The following SPATA6L variants were observed in gnomAD, a reference collection of about 807,000 sequenced individuals.
SPATA6L encodes spermatogenesis associated 6 like.
In SPATA6L, 68 loss-of-function variants were observed where a neutral mutation model predicts 49.2. That is an observed-to-expected ratio of 1.38 (90% CI 1.14 to 1.69). The LOEUF (loss-of-function observed/expected upper bound fraction) is 1.69, where lower values mean the gene tolerates loss of function less well. Ranked by LOEUF, SPATA6L falls within the 40% of genes most tolerant of loss-of-function variation. SPATA6L has a pLI of 0.00. For missense variants in SPATA6L, 668 were observed against 464.3 expected, an observed-to-expected ratio of 1.44 and a Z score of -4.03; for synonymous variants, 198 against 165.7, an observed-to-expected ratio of 1.19 and a Z score of -1.50.
intron 3 of SPATA6L, among the ~76,000 whole-genome samples, chr9:4,636,399 A>G (rs561787673): frequency 6.6e-6 from 1 of 152,332 alleles, no homozygotes; most frequent in African/African-American, 2.4e-5. Flanking sequence ...TTTCAGTATC[A>G]TAAAAGGGAT....
intron 1 of SPATA6L, among the ~76,000 whole-genome samples, chr9:4,665,738 C>G (rs958857658): frequency 1.3e-5 from 2 of 152,144 alleles, no homozygotes; most frequent in Non-Finnish European, 2.9e-5. Flanking sequence ...ATTGATTTCC[C>G]TTTTGGAATT....
At chr9:4,610,406 G>T (rs1288149920) in intron 9 of SPATA6L, among the ~76,000 whole-genome samples, 2 of 144,726 alleles carry the variant, frequency 1.4e-5, no homozygotes, top group East Asian at 4.0e-4. Context: ...ATACTACAAG[G>T]CTACAGTAAC....
In SPATA6L at chr9:4,592,805, T is replaced by C. The variant is rs560965310; in HGVS notation, c.*254+3630A>G. Among the ~76,000 whole-genome samples, 167 of 152,196 alleles carry C rather than the reference T, an allele frequency of 1.1e-3. 1 individual carries two copies. The highest frequency in any genetic ancestry group is 3.9e-3 in the African/African-American group (162 of 41,528). The stretch of plus-strand genomic sequence containing the variant: ...CAAAATAATTAATAAATAAAGAAGG[T>C]GAGAGGAAACTTTTGGAGATGATGG... On this transcript the variant is annotated intron_variant and NMD_transcript_variant, in intron 13 of 13. Transcript: ENST00000461761.
chr9:4,659,790 T>A (rs1290037026), intron 2 of SPATA6L, among the ~76,000 whole-genome samples: 1 of 152,174 alleles, frequency 6.6e-6, no homozygotes, highest in Non-Finnish European at 1.5e-5. Context: ...ACTACAAGGC[T>A]ACAGTAACCA....
intron 3 of SPATA6L, among the ~76,000 whole-genome samples, chr9:4,646,772 C>G (rs1029947783): frequency 6.6e-6 from 1 of 152,062 alleles, no homozygotes; most frequent in African/African-American, 2.4e-5. Context: ...AACAAGCGTT[C>G]ATGTCTTTTG....
At chr9:4,633,626 A>C (rs1322723500) in intron 4 of SPATA6L, 1 of 159,816 alleles carries the variant, frequency 6.3e-6, no homozygotes, top group Non-Finnish European at 1.4e-5. Flanking sequence ...CAGACTACTA[A>C]GGGAAATAAG....
At chr9:4,637,675 A>G (rs1397796189) in intron 3 of SPATA6L, among the ~76,000 whole-genome samples, 6 of 152,192 alleles carry the variant, frequency 3.9e-5, no homozygotes, top group African/African-American at 1.4e-4. Flanking sequence ...AACTTCAATG[A>G]TGTTCTGAGA....
intron 11 of SPATA6L, among the ~76,000 whole-genome samples, chr9:4,603,175 T>C (rs1056716792): frequency 1.3e-5 from 2 of 152,190 alleles, no homozygotes; most frequent in Non-Finnish European, 2.9e-5. Flanking sequence ...CTCACGCCTG[T>C]AATACCAGCA....
intron 6 of SPATA6L, among the ~76,000 whole-genome samples, chr9:4,623,019 C>G (rs1217187687): frequency 6.6e-6 from 1 of 152,110 alleles, no homozygotes; most frequent in Non-Finnish European, 1.5e-5. Context: ...GTGGCTCACA[C>G]CTGTAATCCC....
chr9:4,658,039 G>C (rs559636771), intron 2 of SPATA6L, among the ~76,000 whole-genome samples: 1 of 152,172 alleles, frequency 6.6e-6, no homozygotes, highest in South Asian at 2.1e-4. Context: ...AACTATACCA[G>C]AAACTAGGAG....
At chr9:4,661,822 C>A (rs1168348849) in intron 2 of SPATA6L, 77 bp downstream of exon 2, 23 of 1,508,082 alleles carry the variant, frequency 1.5e-5, no homozygotes, top group Non-Finnish European at 2.1e-5. Flanking sequence ...CCAAATAATG[C>A]TGTAAGAACT....
At chr9:4,650,210 C>T (rs1237445867) in intron 3 of SPATA6L, among the ~76,000 whole-genome samples, 1 of 152,202 alleles carries the variant, frequency 6.6e-6, no homozygotes, top group African/African-American at 2.4e-5. Flanking sequence ...ACCTAGCCTG[C>T]TCCCATTCTG....
intron 3 of SPATA6L, among the ~76,000 whole-genome samples, chr9:4,637,157 C>T (rs562332205): frequency 6.6e-6 from 1 of 152,284 alleles, no homozygotes; most frequent in African/African-American, 2.4e-5. Context: ...CCTTGATCAT[C>T]GTTCCCTGTC....
chr9:4,656,062 C>G lies in SPATA6L; in HGVS notation c.205G>C (p.Ala69Pro). The change falls in exon 3 of 12, where the codon GCT (alanine) becomes CCT (proline). Residue 69 changes from alanine to proline, a missense_variant. Ala to Pro is a conservative substitution (Grantham distance 27). Coordinates refer to ENST00000682582, the MANE Select transcript of SPATA6L (RefSeq NM_001353486.2). ...KVFESAVDPG[A>P]VVDLLEMWDE... is the part of the protein sequence containing the mutation. Reference sequence around the variant, plus strand: ...CTACTTTCCAAAAGGTCTACTACAGCTCCAGGATCTACTGCACTTTCAAAT... The same window carrying G: ...CTACTTTCCAAAAGGTCTACTACAGGTCCAGGATCTACTGCACTTTCAAAT... The G allele has an allele frequency of 6.2e-7, 1 of 1,612,924 alleles. No homozygotes were observed. Among genetic ancestry groups the G allele is most frequent in the Non-Finnish European group, 8.5e-7 (1 of 1,179,478 alleles).
intron 13 of SPATA6L, among the ~76,000 whole-genome samples, chr9:4,589,499 G>A (rs1447875920): frequency 1.3e-5 from 2 of 152,156 alleles, no homozygotes; most frequent in Non-Finnish European, 1.5e-5. Flanking sequence ...ATTCTATAAA[G>A]GGGAAACCCT....
intron 2 of SPATA6L, among the ~76,000 whole-genome samples, chr9:4,660,964 A>T (rs186478162): frequency 1.3e-5 from 2 of 152,250 alleles, no homozygotes; most frequent in East Asian, 1.9e-4. Flanking sequence ...TCTCACTGAT[A>T]GGTGGGAATT....
At chr9:4,597,844 T>C (rs1340327732), downstream of SPATA6L, among the ~76,000 whole-genome samples, 1 of 152,166 alleles carries the variant, frequency 6.6e-6, no homozygotes, top group Non-Finnish European at 1.5e-5. Flanking sequence ...GGTCACAGCA[T>C]GGACTACAGA....
At chr9:4,600,985 T>C (rs368813257) in intron 11 of SPATA6L, among the ~76,000 whole-genome samples, 176 bp from the exon 12 acceptor site, 2 of 152,210 alleles carry the variant, frequency 1.3e-5, no homozygotes, top group East Asian at 3.8e-4. Context: ...AATAACCCAG[T>C]GAGCATCTGT....
intron 3 of SPATA6L, among the ~76,000 whole-genome samples, chr9:4,644,914 C>G (rs1333450690): frequency 6.6e-6 from 1 of 152,158 alleles, no homozygotes; most frequent in African/African-American, 2.4e-5. Flanking sequence ...GCACAGGGGT[C>G]ACAGACTTTC....
Sources: gnomAD v4.1 joint callset for allele counts (sites outside exome capture counted in the v4.1 genomes callset) on GRCh38, gnomAD v4.1.1 for gene constraint, MANE v1.5 for transcripts, NCBI Gene and HGNC (gene_info 2026-07-23, HGNC 2026-07-21) for gene names.